Variants in FANCA observed in about 807,000 individuals in gnomAD.
FANCA encodes Fanconi anemia group A protein.
FANCA carries 236 observed loss-of-function variants against 194.3 expected under a neutral mutation model. That is an observed-to-expected ratio of 1.21 (90% CI 1.09 to 1.35). The LOEUF (loss-of-function observed/expected upper bound fraction) is 1.35, where lower values mean the gene tolerates loss of function less well. Among genes scored for constraint, FANCA ranks in the 40% most tolerant of loss-of-function variants. FANCA has a pLI of 0.00. For synonymous variants in FANCA, 1,014 were observed against 715.8 expected (o/e 1.42, Z -6.65); for missense variants, 2,628 against 1,813.9 (o/e 1.45, Z -8.15).
chr16:89,744,664 T>TG (rs1221785026), intron 36 of FANCA: 4 of 403,962 alleles, frequency 9.9e-6, no homozygotes, highest in Admixed American at 4.0e-5. Context: ...TGGCAGAGGC[T>TG]GTTTTTTTTT....
At position 89,745,002 on chromosome 16, in the gene FANCA, G is replaced by C. The variant is rs143642304; in HGVS notation, c.3583C>G (p.Arg1195Gly). Reference protein sequence around the residue: ...WRRHCQSPLPRELQKLQEGRQ... With the variant: ...WRRHCQSPLPGELQKLQEGRQ... ...CCTTCTTGTAGCTTCTGCAGTTCCC[G>C]GGGCAGCGGGCTCTGGCAGTGTCTC... The change falls in exon 36 of 43, where the codon CGG becomes GGG. Residue 1195 changes from arginine to glycine, a missense_variant. Arg to Gly is a moderately radical substitution (Grantham distance 125). Coordinates refer to ENST00000389301, the MANE Select transcript of FANCA (RefSeq NM_000135.4). 9.9e-6 allele frequency: 16 copies of C among 1,610,954 alleles called. No homozygotes were observed. Among genetic ancestry groups the C allele is most frequent in the Non-Finnish European group, 1.4e-5 (16 of 1,179,866 alleles).
At chr16:89,765,092 T>C (rs757706362) in intron 27 of FANCA, 26 bp from the exon 28 acceptor site, 2 of 1,591,034 alleles carry the variant, frequency 1.3e-6, no homozygotes, top group Non-Finnish European at 1.7e-6. Context: ...ACCCGGCCGT[T>C]TCTTCATTGC....
chr16:89,739,989 C>G lies in FANCA; in HGVS notation c.3934+5G>C. 6.2e-7 allele frequency: 1 copy of G among 1,614,086 alleles called. No individual in the cohort carries two copies. The highest frequency in any genetic ancestry group is 8.5e-7 in the Non-Finnish European group (1 of 1,179,926). ...GCATTTGTGCCTCAGCAGCGTGTTT[C>G]TTACCACTCTCTGTCAACTGAAAGA... On this transcript the variant is annotated splice_donor_5th_base_variant and intron_variant, in intron 39 of 42. Transcript: ENST00000389301.
At chr16:89,792,206 G>C (rs974381101) in intron 12 of FANCA, 138 bp from the exon 13 acceptor site, 3 of 1,069,420 alleles carry the variant, frequency 2.8e-6, no homozygotes, top group African/African-American at 3.1e-5. Context: ...AGCTGTGACA[G>C]CTCACACCGT....
intron 14 of FANCA, among the ~76,000 whole-genome samples, chr16:89,789,338 C>T (rs919065787): frequency 6.6e-6 from 1 of 150,742 alleles, no homozygotes; most frequent in African/African-American, 2.4e-5. Context: ...GCCACGATGG[C>T]GATGCAGGCA....
Position 89,739,524 on chromosome 16 carries a change from C to A in FANCA, c.3964G>T (p.Val1322Leu). 6 of 1,551,350 alleles carry A rather than the reference C, an allele frequency of 3.9e-6. No homozygotes were observed. Among genetic ancestry groups the A allele is most frequent in the Non-Finnish European group, 5.2e-6 (6 of 1,147,086 alleles). Reference sequence around the variant, plus strand: ...AGCCTGGTGTGCTGATCCGGGGCCACACGGAGGAGGAGCCGCCCCAGCCTG... The same window carrying A: ...AGCCTGGTGTGCTGATCCGGGGCCAAACGGAGGAGGAGCCGCCCCAGCCTG... ...DLRLGRLLLRVAPDQHTRLLP... is the reference protein window; with the variant it reads ...DLRLGRLLLRLAPDQHTRLLP... The change falls in exon 40 of 43, where the codon GTG becomes TTG. Residue 1322 changes from valine (V) to leucine (L), a missense_variant. Transcript: ENST00000389301.
At chr16:89,783,550 CCAAAAAAAAAAACAA>C (rs2039794569) in intron 15 of FANCA, among the ~76,000 whole-genome samples, 1 of 146,630 alleles carries the variant, frequency 6.8e-6, no homozygotes, top group African/African-American at 2.5e-5. Context: ...GACTTCATTT[CCAAAAAAAAAAACAA>C]CAAAAAAAAA....
intron 40 of FANCA, 90 bp downstream of exon 40, chr16:89,739,387 CA>C (rs2062064072): frequency 6.3e-7 from 1 of 1,577,064 alleles, no homozygotes; most frequent in Admixed American, 1.8e-5. Flanking sequence ...GAGGCACAGA[CA>C]ACCCTTCCCA....
In FANCA at chr16:89,769,846, A is replaced by C; in HGVS notation, c.2495T>G (p.Phe832Cys). 1 of 1,614,128 alleles carries C rather than the reference A, an allele frequency of 6.2e-7. No homozygotes were observed. Among genetic ancestry groups the C allele is most frequent in the South Asian group, 1.1e-5 (1 of 91,076 alleles). The change falls in exon 26 of 43, where the codon TTC becomes TGC. Residue 832 changes from phenylalanine (F) to cysteine (C), a missense_variant. Transcript: ENST00000389301. Reference sequence around the variant, plus strand: ...TGGAAGAAGAGCTCACTTCAGGCAGAAGAACAAGGAATCCCTCGTCCTACA... The same window carrying C: ...TGGAAGAAGAGCTCACTTCAGGCAGCAGAACAAGGAATCCCTCGTCCTACA... The part of the protein sequence containing the change: ...LTCRTRDSLF[F>C]CLKFCTAAIS...
chr16:89,791,548 C>T lies in FANCA; in HGVS notation c.1226-12G>A. On this transcript the variant is annotated splice_polypyrimidine_tract_variant and intron_variant, in intron 13 of 42. Transcript: ENST00000389301. ...ACGCGCCACCCAGTCTAGTTAAGAA[C>T]CATGACATAGTCACAGCAAGGCAAG... is the stretch of plus-strand genomic sequence containing the variant. 6.2e-7 allele frequency: 1 copy of T among 1,613,910 alleles called. No homozygotes were observed.
At position 89,771,776 on chromosome 16, in the gene FANCA, T is replaced by G; in HGVS notation, c.2053A>C (p.Arg685=). The change falls in exon 23 of 43, where the codon AGG becomes CGG. Residue 685 remains arginine, a synonymous_variant. Transcript: ENST00000389301. ...TCCTCATTGTGGCCCAGGACAGCCCTCAGTCTTTCAGAAATCACTGCCACC... is the reference window on the plus strand; with the variant it reads ...TCCTCATTGTGGCCCAGGACAGCCCGCAGTCTTTCAGAAATCACTGCCACC... The part of the protein sequence containing the change: ...AQVAVISERL[R]AVLGHNEDDS... 6.2e-7 allele frequency: 1 copy of G among 1,614,066 alleles called. No individual in the cohort carries two copies. Among genetic ancestry groups the G allele is most frequent in the Non-Finnish European group, 8.5e-7 (1 of 1,180,026 alleles).
intron 3 of FANCA, among the ~76,000 whole-genome samples, chr16:89,812,194 C>A (rs980293336): frequency 2.6e-5 from 4 of 151,174 alleles, no homozygotes; most frequent in African/African-American, 9.7e-5. Context: ...ACAAAATTAG[C>A]CAGGTTTGGT....
chr16:89,771,622 C>A, intron 23 of FANCA, 56 bp downstream of exon 23: 1 of 1,600,248 alleles, frequency 6.2e-7, no homozygotes, highest in Non-Finnish European at 8.6e-7. Flanking sequence ...TCTAATGCCT[C>A]TGCCTAATGG....
intron 3 of FANCA, among the ~76,000 whole-genome samples, chr16:89,813,914 T>C (rs141601166): frequency 9.6e-4 from 146 of 152,308 alleles, no homozygotes; most frequent in African/African-American, 3.3e-3. Flanking sequence ...TAAAGGTTTA[T>C]CTGTGTGGCT....
Position 89,803,630 on chromosome 16 carries a change from T to C in FANCA, c.710-289A>G, listed in dbSNP as rs138518105. On this transcript the variant is annotated intron_variant, in intron 7 of 42. Transcript: ENST00000389301. Reference sequence around the variant, plus strand: ...TTTATAGTCAGATTTTTTTCTTTTTTTTTTTTTTTGTGAGACGGAGGCTTG... The same window carrying C: ...TTTATAGTCAGATTTTTTTCTTTTTCTTTTTTTTTGTGAGACGGAGGCTTG... 4.5e-3 allele frequency among the ~76,000 whole-genome samples: 684 copies of C among 151,690 alleles called. 5 individuals carry two copies. Among genetic ancestry groups the C allele is most frequent in the African/African-American group, 0.016 (647 of 41,318 alleles).
At chr16:89,757,426 C>T (rs1392067719) in intron 30 of FANCA, among the ~76,000 whole-genome samples, 1 of 152,164 alleles carries the variant, frequency 6.6e-6, no homozygotes, top group Non-Finnish European at 1.5e-5. Context: ...GAAGGGTATG[C>T]TGATATGTGC....
intron 33 of FANCA, among the ~76,000 whole-genome samples, chr16:89,747,333 A>G (rs541749412): frequency 2.8e-4 from 43 of 152,344 alleles, no homozygotes; most frequent in South Asian, 4.1e-4. Context: ...ACAGCCATTC[A>G]TAAGAATTCA....
chr16:89,738,827 C>A, intron 42 of FANCA, 55 bp downstream of exon 42: 1 of 1,614,064 alleles, frequency 6.2e-7, no homozygotes. Context: ...ATGGCCCAGG[C>A]AGCTGTCAAT....
chr16:89,795,800 A>G lies in FANCA; in HGVS notation c.1006+106T>C, dbSNP rs1387418686. 10 of 809,184 alleles carry G rather than the reference A, an allele frequency of 1.2e-5. No individual in the cohort carries two copies. The African/African-American group carries it at 1.5e-4, about 12-fold the overall frequency. The allele number at this position is 809,184 out of a possible 1,614,324, so 50.1% of individuals were successfully genotyped here. A position where few individuals can be genotyped will look rare whatever the true frequency, so the allele number is the denominator to read the frequency against. On this transcript the variant is annotated intron_variant, in intron 11 of 42. Transcript: ENST00000389301. ...GTCTCTGGTTCAAGACAGACGTAAAAGAGGTCCTAGAATTCCTGGCATCTC... is the reference window on the plus strand; with the variant it reads ...GTCTCTGGTTCAAGACAGACGTAAAGGAGGTCCTAGAATTCCTGGCATCTC...
Sources: allele counts gnomAD v4.1 joint callset (sites outside exome capture counted in the v4.1 genomes callset), GRCh38; gene constraint gnomAD v4.1.1; transcripts MANE v1.5; gene names NCBI Gene and HGNC (gene_info 2026-07-23, HGNC 2026-07-21).